SLC25A48: variants seen among roughly 807,000 people sequenced by gnomAD.
SLC25A48 encodes solute carrier family 25 member 48, also known as CTC-321K16.1.
SLC25A48 carries 29 observed loss-of-function variants against 32.2 expected under a neutral mutation model. The observed-to-expected ratio is 0.90, with a 90% CI of 0.67 to 1.23. The LOEUF is 1.23. Among genes scored for constraint, SLC25A48 ranks in the 50% most tolerant of loss-of-function variants. The pLI is 0.00. For synonymous variants in SLC25A48, 164 were observed against 172.3 expected (o/e 0.95, Z 0.38); for missense variants, 399 against 422.7 (o/e 0.94, Z 0.49).
At chr5:135,616,483 G>A (rs1411217485) in intron 1 of SLC25A48, among the ~76,000 whole-genome samples, 4 of 152,200 alleles carry the variant, frequency 2.6e-5, no homozygotes, top group African/African-American at 9.6e-5. Flanking sequence ...CTGCCCTGGT[G>A]TGTTTCAAAC....
chr5:135,694,032 T>C (rs1375866340), intron 3 of SLC25A48, among the ~76,000 whole-genome samples: 1 of 152,096 alleles, frequency 6.6e-6, no homozygotes, highest in East Asian at 1.9e-4. Flanking sequence ...GTGTGCCTGG[T>C]GAGCTCTAGG....
At chr5:135,741,611 A>C (rs1299375486) in intron 3 of SLC25A48, among the ~76,000 whole-genome samples, 1 of 152,054 alleles carries the variant, frequency 6.6e-6, no homozygotes, top group East Asian at 1.9e-4. Flanking sequence ...GGTGGCAAAC[A>C]CCCGTAGTCC....
intron 3 of SLC25A48, among the ~76,000 whole-genome samples, chr5:135,719,413 G>C (rs1294477738): frequency 6.6e-6 from 1 of 152,150 alleles, no homozygotes; most frequent in Admixed American, 6.5e-5. Context: ...AGGCATGCCG[G>C]AGAAGCAGAA....
chr5:135,841,705 G>GT (rs767835068), intron 1 of SLC25A48, among the ~76,000 whole-genome samples: 1 of 150,148 alleles, frequency 6.7e-6, no homozygotes, highest in Admixed American at 6.6e-5. Flanking sequence ...TAGGAGATGT[G>GT]TGGGTGGGGG....
chr5:135,755,755 A>G (rs907763193), intron 3 of SLC25A48, among the ~76,000 whole-genome samples: 3 of 151,686 alleles, frequency 2.0e-5, no homozygotes, highest in Non-Finnish European at 4.4e-5. Flanking sequence ...TGATATATAT[A>G]TATGGTCATA....
intron 3 of SLC25A48, among the ~76,000 whole-genome samples, chr5:135,656,348 G>A (rs1393493318): frequency 6.6e-6 from 1 of 152,116 alleles, no homozygotes; most frequent in African/African-American, 2.4e-5. Context: ...AGTCTGGCTA[G>A]GGCAGCTTTG....
At chr5:135,842,202 T>C (rs1759059347) in intron 1 of SLC25A48, among the ~76,000 whole-genome samples, 1 of 152,210 alleles carries the variant, frequency 6.6e-6, no homozygotes, top group Admixed American at 6.5e-5. Flanking sequence ...CCAGTCCCTT[T>C]GCCTTCCTTT....
rs911087863 is a variant in SLC25A48, at chr5:135,606,138, C to A, written c.-848-23099C>A. Among the ~76,000 whole-genome samples the A allele has an allele frequency of 6.6e-5, 10 of 152,244 alleles. No homozygotes were observed. In the Middle Eastern group the frequency reaches 0.014, roughly 207 times the overall value. The stretch of plus-strand genomic sequence containing the variant: ...GACATGAAACTAAGTCAGGGCTGGG[C>A]CTGCTTCTGGACAGAGACCCAGTTA... On this transcript the variant is annotated intron_variant, in intron 1 of 10. Coordinates refer to the SLC25A48 transcript ENST00000646290.
intron 1 of SLC25A48, among the ~76,000 whole-genome samples, chr5:135,608,086 G>A (rs954357041): frequency 1.2e-4 from 19 of 152,198 alleles, no homozygotes; most frequent in Admixed American, 2.6e-4. Context: ...TTTGATAAAT[G>A]GTCCAAGCTC....
chr5:135,787,445 C>A (rs2085311020), intron 3 of SLC25A48, among the ~76,000 whole-genome samples: 1 of 151,964 alleles, frequency 6.6e-6, no homozygotes, highest in Non-Finnish European at 1.5e-5. Flanking sequence ...TGTGTGTACA[C>A]CCTGTGTTAT....
intron 1 of SLC25A48, among the ~76,000 whole-genome samples, chr5:135,608,657 T>C (rs968540617): frequency 2.6e-5 from 4 of 152,260 alleles, no homozygotes. Flanking sequence ...AGTAACTTGA[T>C]GAGGTTGCTG....
At chr5:135,794,792 A>AG (rs2126636462) in intron 3 of SLC25A48, among the ~76,000 whole-genome samples, 1 of 151,756 alleles carries the variant, frequency 6.6e-6, no homozygotes, top group East Asian at 1.9e-4. Context: ...CCAATATTGC[A>AG]GGGGGTAGAC....
intron 2 of SLC25A48, among the ~76,000 whole-genome samples, chr5:135,633,313 T>C (rs1019270858): frequency 6.6e-6 from 1 of 151,902 alleles, no homozygotes; most frequent in African/African-American, 2.4e-5. Context: ...GCCCCACTCA[T>C]ATGTTGAAGC....
intron 7 of SLC25A48, chr5:135,883,576 A>C (rs1312818181): frequency 1.4e-6 from 1 of 693,864 alleles, no homozygotes; most frequent in Non-Finnish European, 1.8e-6. Context: ...CCCTCCACAC[A>C]GGTGAGGAGA....
intron 1 of SLC25A48, among the ~76,000 whole-genome samples, chr5:135,839,357 T>C (rs534121636): frequency 6.6e-6 from 1 of 152,276 alleles, no homozygotes; most frequent in Non-Finnish European, 1.5e-5. Flanking sequence ...AGCTTTAAGA[T>C]TTGGTTGCCC....
chr5:135,686,820 A>G (rs555064898), intron 3 of SLC25A48, among the ~76,000 whole-genome samples: 20 of 152,356 alleles, frequency 1.3e-4, no homozygotes, highest in Middle Eastern at 3.4e-3. Context: ...GTATGGGTGG[A>G]TGGAAGGATG....
chr5:135,718,645 C>T (rs1754874304), intron 3 of SLC25A48, among the ~76,000 whole-genome samples: 2 of 152,116 alleles, frequency 1.3e-5, no homozygotes, highest in South Asian at 4.2e-4. Context: ...TTAAAAAGAA[C>T]AGCCTTGGAA....
chr5:135,792,039 C>T (rs941852584), intron 3 of SLC25A48, among the ~76,000 whole-genome samples: 17 of 151,680 alleles, frequency 1.1e-4, no homozygotes, highest in African/African-American at 4.1e-4. Flanking sequence ...TGTTCACCTC[C>T]TATGTTAACA....
intron 3 of SLC25A48, among the ~76,000 whole-genome samples, chr5:135,795,035 C>A (rs1244531709): frequency 6.6e-6 from 1 of 151,678 alleles, no homozygotes; most frequent in Non-Finnish European, 1.5e-5. Context: ...GGTTATACAC[C>A]CCCACATTGA....
Sources: allele counts gnomAD v4.1 joint callset (sites outside exome capture counted in the v4.1 genomes callset), GRCh38; gene constraint gnomAD v4.1.1; transcripts MANE v1.5; gene names NCBI Gene and HGNC (gene_info 2026-07-23, HGNC 2026-07-21).